MAGI2: variants seen among roughly 807,000 people sequenced by gnomAD.
MAGI2 encodes the protein membrane-associated guanylate kinase, WW and PDZ domain-containing protein 2.
A neutral mutation model predicts 133.3 loss-of-function variants in MAGI2; 35 were observed. The observed-to-expected ratio is 0.26, with a 90% CI of 0.20 to 0.35. MAGI2 has a LOEUF of 0.35. Among genes scored for constraint, MAGI2 ranks in the 10% least tolerant of loss-of-function variants. The pLI is 1.00. For synonymous variants in MAGI2, 729 were observed against 710.6 expected (o/e 1.03, Z -0.41); for missense variants, 1,636 against 1,863.4 (o/e 0.88, Z 2.25).
intron 2 of MAGI2, among the ~76,000 whole-genome samples, chr7:78,671,276 T>C (rs912656699): frequency 5.3e-5 from 4 of 74,988 alleles, no homozygotes; most frequent in East Asian, 5.2e-4. Flanking sequence ...TGTGTCTCTC[T>C]CTCTCTTTTT....
chr7:79,186,191 AATATATATATATATATATATATATATAT>A (rs60719172), intron 1 of MAGI2, among the ~76,000 whole-genome samples: 67,240 of 111,756 alleles, frequency 0.6, 20,448 homozygotes, highest in Middle Eastern at 0.71. Context: ...TGCCTGGGAA[AATATATATATATATATATATATATATAT>A]ATATATATAT....
chr7:79,185,239 G>A (rs1826973328), intron 1 of MAGI2, among the ~76,000 whole-genome samples: 2 of 151,802 alleles, frequency 1.3e-5, no homozygotes, highest in South Asian at 4.1e-4. Flanking sequence ...AAACTCCATT[G>A]GTATCTTTCT....
At chr7:78,501,142 ATTACT>A (rs1268648121) in intron 5 of MAGI2, among the ~76,000 whole-genome samples, 7 of 152,268 alleles carry the variant, frequency 4.6e-5, no homozygotes, top group East Asian at 3.9e-4. Context: ...TTTGTGACCT[ATTACT>A]TTAAATAGTT....
In MAGI2 at chr7:79,277,538, G is replaced by GTA. The variant is rs199705920; in HGVS notation, c.301+175480_301+175481dup. On this transcript the variant is annotated intron_variant, in intron 1 of 21. Transcript: ENST00000354212. ...AACATATGTGCTGATCATCTAAAAT[G>GTA]TATATATATATACAGAGCTACATGC... Among the ~76,000 whole-genome samples, 966 of 151,812 alleles carry GTA rather than the reference G, an allele frequency of 6.4e-3. 13 individuals carry two copies. Among genetic ancestry groups the GTA allele is most frequent in the African/African-American group, 0.021 (887 of 41,394 alleles).
chr7:79,158,863 TTAAG>T (rs1288707120), intron 1 of MAGI2, among the ~76,000 whole-genome samples: 1 of 152,070 alleles, frequency 6.6e-6, no homozygotes, highest in Non-Finnish European at 1.5e-5. Flanking sequence ...TTAATTGATA[TTAAG>T]TATCTAGATA....
At chr7:79,030,765 G>A (rs1810489144) in intron 1 of MAGI2, among the ~76,000 whole-genome samples, 5 of 152,106 alleles carry the variant, frequency 3.3e-5, no homozygotes, top group Non-Finnish European at 5.9e-5. Context: ...AGAAATCCCA[G>A]AATTATTCTT....
chr7:79,274,835 T>A (rs12539220), intron 1 of MAGI2, among the ~76,000 whole-genome samples: 3 of 151,918 alleles, frequency 2.0e-5, no homozygotes, highest in Admixed American at 6.6e-5. Context: ...CAAACTTTTT[T>A]GTTATTATTA....
chr7:79,121,167 A>G (rs937320387), intron 1 of MAGI2, among the ~76,000 whole-genome samples: 3 of 152,180 alleles, frequency 2.0e-5, no homozygotes, highest in African/African-American at 4.8e-5. Context: ...ATACTAGCTA[A>G]TAAGCTAATT....
intron 2 of MAGI2, among the ~76,000 whole-genome samples, chr7:78,765,631 G>A (rs2210115): frequency 0.31 from 46,931 of 151,804 alleles, 7,500 homozygotes; most frequent in South Asian, 0.47. Flanking sequence ...ACGGGTGTGA[G>A]CCATAACGCC....
chr7:79,196,946 T>A (rs889376324), intron 1 of MAGI2, among the ~76,000 whole-genome samples: 1 of 151,622 alleles, frequency 6.6e-6, no homozygotes, highest in Non-Finnish European at 1.5e-5. Context: ...TTTTGATTTT[T>A]TATATATATA....
chr7:78,290,029 T>C (rs1291879854), intron 9 of MAGI2, among the ~76,000 whole-genome samples: 1 of 152,284 alleles, frequency 6.6e-6, no homozygotes, highest in East Asian at 1.9e-4. Context: ...ATTGACACTA[T>C]GAAGAAACTG....
intron 20 of MAGI2, among the ~76,000 whole-genome samples, chr7:78,084,210 C>T (rs2151199219): frequency 6.6e-6 from 1 of 152,280 alleles, no homozygotes; most frequent in South Asian, 2.1e-4. Context: ...CATGAATAAT[C>T]TCTATTCCTT....
intron 1 of MAGI2, among the ~76,000 whole-genome samples, chr7:79,152,507 C>A (rs139874978): frequency 1.2e-3 from 185 of 152,302 alleles, no homozygotes; most frequent in African/African-American, 4.2e-3. Flanking sequence ...CAAGTAAGTG[C>A]TATTTGGCTA....
intron 20 of MAGI2, among the ~76,000 whole-genome samples, chr7:78,115,642 AT>A (rs1156538460): frequency 6.6e-5 from 3 of 45,464 alleles, no homozygotes; most frequent in Non-Finnish European, 1.9e-4. Context: ...AATAAAAGAA[AT>A]AACCTGAGTA....
chr7:79,224,365 C>T (rs978952111), intron 1 of MAGI2, among the ~76,000 whole-genome samples: 1 of 152,024 alleles, frequency 6.6e-6, no homozygotes, highest in Non-Finnish European at 1.5e-5. Flanking sequence ...TTGCTTCCTC[C>T]TTTCTTTTAC....
At chr7:78,594,845 G>A (rs1804430903) in intron 3 of MAGI2, among the ~76,000 whole-genome samples, 1 of 152,098 alleles carries the variant, frequency 6.6e-6, no homozygotes, top group Non-Finnish European at 1.5e-5. Flanking sequence ...AATTTAGTAG[G>A]AAACAAGGGT....
chr7:78,707,188 G>C (rs779441377), intron 2 of MAGI2, among the ~76,000 whole-genome samples: 12 of 151,942 alleles, frequency 7.9e-5, no homozygotes, highest in Non-Finnish European at 1.0e-4. Flanking sequence ...CAATATTAAA[G>C]AATAAATTAG....
At chr7:78,855,293 T>C (rs1359976093) in intron 2 of MAGI2, among the ~76,000 whole-genome samples, 3 of 152,156 alleles carry the variant, frequency 2.0e-5, no homozygotes, top group African/African-American at 4.8e-5. Flanking sequence ...CTAGGGTACA[T>C]GTGCACAACT....
intron 3 of MAGI2, among the ~76,000 whole-genome samples, chr7:78,529,774 C>T (rs763526262): frequency 7.1e-6 from 1 of 141,586 alleles, no homozygotes; most frequent in Non-Finnish European, 1.5e-5. Context: ...ACCTTGGTCT[C>T]CCAAAGCACT....
Sources: allele counts gnomAD v4.1 joint callset (sites outside exome capture counted in the v4.1 genomes callset), GRCh38; gene constraint gnomAD v4.1.1; transcripts MANE v1.5; gene names NCBI Gene and HGNC (gene_info 2026-07-23, HGNC 2026-07-21).